PIK3C2G: variants seen among roughly 807,000 people sequenced by gnomAD.
The protein encoded by PIK3C2G is phosphatidylinositol-4-phosphate 3-kinase catalytic subunit type 2 gamma, also known as phosphatidylinositol 3-kinase C2 domain-containing subunit gamma.
Under a neutral mutation model 181.1 loss-of-function variants are expected in PIK3C2G, and 168 were observed. The ratio of observed to expected loss-of-function variants is 0.93; its 90% CI spans 0.82 to 1.05. The LOEUF (loss-of-function observed/expected upper bound fraction) is 1.05. PIK3C2G is among the 50% of genes least tolerant of loss of function. PIK3C2G has a pLI of 0.00. For synonymous variants in PIK3C2G, 573 were observed against 592.2 expected (o/e 0.97, Z 0.47); for missense variants, 1,869 against 1,732.8 (o/e 1.08, Z -1.40).
chr12:18,477,494 A>G (rs1043733373), intron 18 of PIK3C2G, among the ~76,000 whole-genome samples: 1 of 152,152 alleles, frequency 6.6e-6, no homozygotes, highest in Non-Finnish European at 1.5e-5. Context: ...TAGCACAAGG[A>G]TAGGTAAATT....
At chr12:18,678,210 A>G in the PIK3C2G span, among the ~76,000 whole-genome samples, 3 of 152,086 alleles carry the variant, frequency 2.0e-5, no homozygotes, top group African/African-American at 7.2e-5. Context: ...GGTCTGGCTA[A>G]TACTGCTGTT....
At chr12:18,588,858 C>A (rs1377230920) in intron 29 of PIK3C2G, among the ~76,000 whole-genome samples, 2 of 151,952 alleles carry the variant, frequency 1.3e-5, no homozygotes, top group Non-Finnish European at 2.9e-5. Context: ...CCCTCAATGG[C>A]AGGTTGGATG....
the PIK3C2G span, among the ~76,000 whole-genome samples, chr12:18,710,173 A>G: frequency 6.8e-6 from 1 of 147,354 alleles, no homozygotes; most frequent in African/African-American, 2.5e-5. Context: ...TCTTTTTCTT[A>G]TCTAGTTGCC....
chr12:18,310,178 T>G (rs1379466688), intron 5 of PIK3C2G, among the ~76,000 whole-genome samples: 1 of 151,874 alleles, frequency 6.6e-6, no homozygotes, highest in East Asian at 1.9e-4. Flanking sequence ...ATTCAAGTTT[T>G]TCTTTGACTC....
At chr12:18,655,569 G>A in the PIK3C2G span, among the ~76,000 whole-genome samples, 2 of 152,200 alleles carry the variant, frequency 1.3e-5, no homozygotes, top group South Asian at 4.2e-4. Flanking sequence ...TGGAAAAGAG[G>A]ATTGGGGGAT....
intron 30 of PIK3C2G, among the ~76,000 whole-genome samples, chr12:18,597,614 T>C (rs1425759741): frequency 3.3e-5 from 5 of 152,032 alleles, no homozygotes; most frequent in African/African-American, 9.7e-5. Flanking sequence ...CAATCACCAC[T>C]CCTATTCAAC....
chr12:18,310,536 A>C (rs1028918027), intron 5 of PIK3C2G, among the ~76,000 whole-genome samples: 2 of 151,978 alleles, frequency 1.3e-5, no homozygotes, highest in Admixed American at 1.3e-4. Context: ...GTTCTAAGAG[A>C]GAACTGAATT....
At chr12:18,361,466 T>C (rs1320622652) in intron 11 of PIK3C2G, among the ~76,000 whole-genome samples, 1 of 152,156 alleles carries the variant, frequency 6.6e-6, no homozygotes, top group Admixed American at 6.5e-5. Context: ...TTACCTTGTG[T>C]TGAGATATGT....
chr12:18,280,136 C>T (rs1161258686), intron 1 of PIK3C2G, among the ~76,000 whole-genome samples: 7 of 151,924 alleles, frequency 4.6e-5, no homozygotes, highest in East Asian at 1.9e-4. Context: ...AAATACTTCA[C>T]GATTTCATTT....
intron 10 of PIK3C2G, among the ~76,000 whole-genome samples, chr12:18,345,510 C>G (rs1036134606): frequency 5.3e-5 from 8 of 152,240 alleles, no homozygotes; most frequent in African/African-American, 1.9e-4. Context: ...TATAGACAGA[C>G]GTACTGAGGC....
At chr12:18,279,648 C>T (rs952668108) in intron 1 of PIK3C2G, among the ~76,000 whole-genome samples, 1 of 151,892 alleles carries the variant, frequency 6.6e-6, no homozygotes, top group African/African-American at 2.4e-5. Flanking sequence ...TTCTGAGTTC[C>T]ATGATAGACA....
chr12:18,378,699 C>T (rs1209678095), intron 13 of PIK3C2G, among the ~76,000 whole-genome samples: 2 of 152,132 alleles, frequency 1.3e-5, no homozygotes, highest in Non-Finnish European at 2.9e-5. Context: ...AAAAAGTGGG[C>T]AAAGGATATG....
At chr12:18,343,270 G>C in intron 9 of PIK3C2G, 57 bp from the exon 10 acceptor site, 1 of 885,548 alleles carries the variant, frequency 1.1e-6, no homozygotes, top group South Asian at 1.6e-5. Context: ...ATTACTATTT[G>C]ACTATTTTGT....
chr12:18,506,577 G>A (rs545397505), intron 24 of PIK3C2G, among the ~76,000 whole-genome samples: 32 of 152,188 alleles, frequency 2.1e-4, no homozygotes, highest in African/African-American at 7.7e-4. Flanking sequence ...GGGCACAGAA[G>A]GTCAGAGAAG....
At chr12:18,282,968 A>G (rs1207860885) in intron 2 of PIK3C2G, among the ~76,000 whole-genome samples, 1 of 152,118 alleles carries the variant, frequency 6.6e-6, no homozygotes, top group Non-Finnish European at 1.5e-5. Context: ...TCATCTATAA[A>G]GTTCCAGTTC....
chr12:18,390,085 T>C (rs1273204710), intron 14 of PIK3C2G, among the ~76,000 whole-genome samples: 1 of 152,232 alleles, frequency 6.6e-6, no homozygotes, highest in African/African-American at 2.4e-5. Context: ...GATCTCGTAC[T>C]TGTTTATTTT....
At chr12:18,380,533 T>C (rs1592113490) in intron 13 of PIK3C2G, among the ~76,000 whole-genome samples, 1 of 152,194 alleles carries the variant, frequency 6.6e-6, no homozygotes. Context: ...AAAAATTTTC[T>C]AATCTTTACC....
chr12:18,566,852 C>A, intron 28 of PIK3C2G, 97 bp from the exon 29 acceptor site: 1 of 709,990 alleles, frequency 1.4e-6, no homozygotes, highest in Non-Finnish European at 2.5e-6. Context: ...TTTCATTGGC[C>A]CTTCCATCTG....
In PIK3C2G at chr12:18,571,259, T is replaced by C. The variant is rs559033341; in HGVS notation, c.4011+4202T>C. Among the ~76,000 whole-genome samples, 22 of 151,026 alleles carry C rather than the reference T, an allele frequency of 1.5e-4. 3 individuals carry two copies. Among genetic ancestry groups the C allele is most frequent in the African/African-American group, 4.4e-4 (18 of 40,554 alleles). On this transcript the variant is annotated intron_variant, in intron 29 of 32. Coordinates refer to ENST00000538779, the MANE Select transcript of PIK3C2G (RefSeq NM_001288772.2). The stretch of plus-strand genomic sequence containing the variant: ...TTAAGTATGTCAGAGAATACACCTA[T>C]AGTTTCAATTTTTTCTAAATTTTGC...
Sources: allele counts gnomAD v4.1 joint callset (sites outside exome capture counted in the v4.1 genomes callset), GRCh38; gene constraint gnomAD v4.1.1; transcripts MANE v1.5; gene names NCBI Gene and HGNC (gene_info 2026-07-23, HGNC 2026-07-21).